The following GRIP1 variants were observed in gnomAD, a reference collection of about 807,000 sequenced individuals.
GRIP1 encodes glutamate receptor interacting protein 1.
A neutral mutation model predicts 129.9 loss-of-function variants in GRIP1; 45 were observed. The observed-to-expected ratio is 0.35, with a 90% CI of 0.27 to 0.44. The LOEUF (loss-of-function observed/expected upper bound fraction) is 0.44. GRIP1 is among the 20% of genes least tolerant of loss of function. GRIP1 has a pLI of 1.00. For missense variants in GRIP1, 1,196 were observed against 1,396.8 expected (o/e 0.86, Z 2.29); for synonymous variants, 530 against 520.8 (o/e 1.02, Z -0.24).
At chr12:66,632,641 T>C (rs539924223) in intron 1 of GRIP1, among the ~76,000 whole-genome samples, 1 of 152,326 alleles carries the variant, frequency 6.6e-6, no homozygotes, top group South Asian at 2.1e-4. Context: ...TAAAATTCTT[T>C]GGTCTCATGT....
chr12:66,418,474 A>T (rs1211853947), intron 15 of GRIP1, among the ~76,000 whole-genome samples: 1 of 152,182 alleles, frequency 6.6e-6, no homozygotes, highest in Non-Finnish European at 1.5e-5. Flanking sequence ...TTCATAGCAA[A>T]GAAAAAAAAT....
chr12:66,608,678 C>G (rs1031360564), intron 1 of GRIP1, among the ~76,000 whole-genome samples: 2 of 152,102 alleles, frequency 1.3e-5, no homozygotes, highest in Admixed American at 1.3e-4. Context: ...TTTCAACTCA[C>G]TAGAGTTTTA....
chr12:66,511,177 A>G (rs949843140), intron 7 of GRIP1, among the ~76,000 whole-genome samples: 1 of 149,960 alleles, frequency 6.7e-6, no homozygotes, highest in South Asian at 2.2e-4. Context: ...TATAAAGGAG[A>G]GTTTCCCTGC....
chr12:67,023,310 A>G (rs1246125916), intron 1 of GRIP1, among the ~76,000 whole-genome samples: 1 of 152,242 alleles, frequency 6.6e-6, no homozygotes, highest in Admixed American at 6.5e-5. Context: ...TTTTAATAAG[A>G]TATAAAAGAT....
At chr12:66,859,283 ACAAAAAAACAAAAAAACAAAAAAAAACC>A (rs2040066547) in intron 1 of GRIP1, among the ~76,000 whole-genome samples, 7 of 15,168 alleles carry the variant, frequency 4.6e-4, no homozygotes, top group Non-Finnish European at 7.8e-4. Context: ...AAACAAAAAA[ACAAAAAAACAAAAAAACAAAAAAAAACC>A]AGTATTAGCC....
At chr12:66,898,341 T>C (rs1378115101) in intron 1 of GRIP1, among the ~76,000 whole-genome samples, 1 of 152,198 alleles carries the variant, frequency 6.6e-6, no homozygotes, top group Non-Finnish European at 1.5e-5. Flanking sequence ...CCCTCTCTTC[T>C]CTTCCAGTTT....
At chr12:67,005,641 C>T (rs1226377307) in intron 1 of GRIP1, among the ~76,000 whole-genome samples, 2 of 152,198 alleles carry the variant, frequency 1.3e-5, no homozygotes, top group African/African-American at 2.4e-5. Context: ...TGTGTGATTG[C>T]ACTTGTCGTT....
chr12:66,391,919 T>C (rs1185278444), intron 19 of GRIP1, among the ~76,000 whole-genome samples: 1 of 152,156 alleles, frequency 6.6e-6, no homozygotes, highest in African/African-American at 2.4e-5. Flanking sequence ...TAATCTCTTA[T>C]GCACCTCTTC....
At chr12:66,478,705 A>T (rs7961823) in intron 7 of GRIP1, among the ~76,000 whole-genome samples, 1 of 151,922 alleles carries the variant, frequency 6.6e-6, no homozygotes, top group South Asian at 2.1e-4. Context: ...GCCATAAAAA[A>T]AAGATGAGTT....
intron 1 of GRIP1, among the ~76,000 whole-genome samples, chr12:66,951,135 A>G (rs2041750174): frequency 6.6e-6 from 1 of 152,234 alleles, no homozygotes. Context: ...ACTTATAAAT[A>G]AGGCTGAATT....
At chr12:66,657,012 A>G (rs2033199429) in intron 1 of GRIP1, among the ~76,000 whole-genome samples, 1 of 152,174 alleles carries the variant, frequency 6.6e-6, no homozygotes, top group South Asian at 2.1e-4. Context: ...ATTTACTATC[A>G]GCAAATATTT....
chr12:66,727,307 T>C (rs2036287093), intron 1 of GRIP1, among the ~76,000 whole-genome samples: 1 of 152,248 alleles, frequency 6.6e-6, no homozygotes, highest in African/African-American at 2.4e-5. Flanking sequence ...CAAATATCCC[T>C]GCCTTGTTGA....
At chr12:66,754,059 C>G (rs920696949) in intron 1 of GRIP1, among the ~76,000 whole-genome samples, 22 of 152,184 alleles carry the variant, frequency 1.4e-4, no homozygotes, top group Non-Finnish European at 1.3e-4. Context: ...TGTGAATCAT[C>G]AAATCCAGCC....
chr12:66,487,258 G>A (rs1053886439), intron 7 of GRIP1, among the ~76,000 whole-genome samples: 2 of 152,044 alleles, frequency 1.3e-5, no homozygotes, highest in African/African-American at 4.8e-5. Context: ...ACAAAGAAAC[G>A]CCCATCAGAC....
intron 1 of GRIP1, among the ~76,000 whole-genome samples, chr12:66,786,507 A>T (rs1341357573): frequency 6.6e-6 from 1 of 152,098 alleles, no homozygotes; most frequent in East Asian, 1.9e-4. Context: ...TTCCTCCCCA[A>T]CCCAAACCAT....
chr12:67,040,716 T>A (rs1375022175), intron 1 of GRIP1, among the ~76,000 whole-genome samples: 1 of 152,106 alleles, frequency 6.6e-6, no homozygotes, highest in African/African-American at 2.4e-5. Context: ...AAAAATTGAA[T>A]GAAATTATGT....
At position 66,886,095 on chromosome 12, in the gene GRIP1, C is replaced by G. The variant is rs183926902; in HGVS notation, c.58+182955G>C. Among the ~76,000 whole-genome samples the G allele has an allele frequency of 1.2e-4, 19 of 152,150 alleles. 1 individual carries two copies. The East Asian group carries it at 3.7e-3, about 29-fold the overall frequency. ...CTGGCCAACACGGTGAAACCCCCAT[C>G]TCTACTAAAAATACAAACAAATTAG... On this transcript the variant is annotated intron_variant, in intron 1 of 1. Coordinates refer to the GRIP1 transcript ENST00000643019.
chr12:66,820,368 A>G (rs2039296288), intron 1 of GRIP1, among the ~76,000 whole-genome samples: 1 of 152,232 alleles, frequency 6.6e-6, no homozygotes, highest in African/African-American at 2.4e-5. Flanking sequence ...GCTGGTGAGG[A>G]TGTGGAGCAG....
intron 1 of GRIP1, among the ~76,000 whole-genome samples, chr12:66,695,091 A>C (rs537340790): frequency 5.3e-5 from 8 of 152,300 alleles, no homozygotes; most frequent in African/African-American, 1.7e-4. Flanking sequence ...AGTCATAAAG[A>C]CCATCAGGCT....
Sources: gnomAD v4.1 joint callset for allele counts (sites outside exome capture counted in the v4.1 genomes callset) on GRCh38, gnomAD v4.1.1 for gene constraint, MANE v1.5 for transcripts, NCBI Gene and HGNC (gene_info 2026-07-23, HGNC 2026-07-21) for gene names.